The following FRMPD4 variants were observed in gnomAD, a reference collection of about 807,000 sequenced individuals.
The protein encoded by FRMPD4 is FERM and PDZ domain-containing protein 4.
A neutral mutation model predicts 94.1 loss-of-function variants in FRMPD4; 22 were observed. The ratio of observed to expected loss-of-function variants is 0.23; its 90% CI spans 0.17 to 0.33. The LOEUF (loss-of-function observed/expected upper bound fraction) is 0.33, where lower values mean the gene tolerates loss of function less well. Ranked by LOEUF, FRMPD4 falls within the 10% of genes least tolerant of loss-of-function variation. The pLI is 1.00. For synonymous variants in FRMPD4, 631 were observed against 548.6 expected, an observed-to-expected ratio of 1.15 and a Z score of -2.10; for missense variants, 1,111 against 1,339.9, an observed-to-expected ratio of 0.83 and a Z score of 2.67.
Position 12,686,107 on chromosome X carries a change from A to G in FRMPD4, c.584A>G (p.Lys195Arg). The G allele has an allele frequency of 8.8e-7, 1 of 1,136,467 alleles. No homozygotes were observed. Among genetic ancestry groups the G allele is most frequent in the Middle Eastern group, 2.4e-4 (1 of 4,173 alleles). 93.7% of individuals were successfully genotyped at this position (1,136,467 alleles called of 1,213,427 possible). Residue 195 changes from lysine to arginine, a missense_variant, in exon 7 of 17, where the codon AAG becomes AGG. By Grantham distance (26) the Lys-to-Arg change is conservative (BLOSUM62 2). Coordinates refer to ENST00000675598, the MANE Select transcript of FRMPD4 (RefSeq NM_001368397.1). ...TTTTTTGTTAAACAGGAAACTGTTA[A>G]GGACAACTCACTTCTTTTTATGCCA... ...IINGQVSETV[K>R]DNSLLFMPNV...
chrX:12,678,715 C>G (rs932146003), intron 5 of FRMPD4, among the ~76,000 whole-genome samples: 6 of 112,222 alleles, frequency 5.3e-5, no homozygotes, highest in Admixed American at 4.7e-4. Flanking sequence ...ATCCCAGCTA[C>G]TAGGGAGGCT....
intron 11 of FRMPD4, among the ~76,000 whole-genome samples, chrX:12,705,892 G>A (rs2041866440): frequency 8.9e-6 from 1 of 112,141 alleles, no homozygotes; most frequent in Non-Finnish European, 1.9e-5. Flanking sequence ...GAAAGAAGTA[G>A]GATGGATGAA....
intron 3 of FRMPD4, among the ~76,000 whole-genome samples, chrX:12,130,567 C>T (rs760564096): frequency 9.0e-6 from 1 of 111,028 alleles, no homozygotes; most frequent in African/African-American, 3.3e-5. Flanking sequence ...GGTAGATGTT[C>T]AATAAATATT....
At chrX:12,345,749 A>G (rs1282189832) in intron 1 of FRMPD4, among the ~76,000 whole-genome samples, 2 of 111,837 alleles carry the variant, frequency 1.8e-5, no homozygotes, top group Non-Finnish European at 3.8e-5. Flanking sequence ...ACTTTATTGA[A>G]CTCTAAATCT....
At chrX:12,500,115 C>G (rs2057902524) in intron 2 of FRMPD4, among the ~76,000 whole-genome samples, 1 of 110,895 alleles carries the variant, frequency 9.0e-6, no homozygotes, top group African/African-American at 3.3e-5. Context: ...AGCAAAATAT[C>G]CTTAATTATA....
chrX:12,544,046 T>C lies in FRMPD4; in HGVS notation c.158+45250T>C, dbSNP rs779141634. 9.0e-5 allele frequency among the ~76,000 whole-genome samples: 8 copies of C among 89,044 alleles called. No individual in the cohort carries two copies. The East Asian group carries it at 3.0e-3, about 34-fold the overall frequency. The allele number at this position is 89,044 out of a possible 115,157, so 77.3% of individuals were successfully genotyped here. On this transcript the variant is annotated intron_variant, in intron 2 of 16. Transcript: ENST00000675598. Reference sequence around the variant, plus strand: ...GTGGGAATTGAACAATGAGAACACTTGGACACAGGAAGGGGAACATCACAC... The same window carrying C: ...GTGGGAATTGAACAATGAGAACACTCGGACACAGGAAGGGGAACATCACAC...
At chrX:12,188,000 A>G (rs1231198578) in intron 1 of FRMPD4, among the ~76,000 whole-genome samples, 1 of 111,371 alleles carries the variant, frequency 9.0e-6, no homozygotes, top group African/African-American at 3.3e-5. Context: ...AGGAGTGCCA[A>G]TCAGTTGTGA....
chrX:12,110,547 A>G (rs1490858744), intron 3 of FRMPD4, among the ~76,000 whole-genome samples: 3 of 111,551 alleles, frequency 2.7e-5, no homozygotes, highest in Non-Finnish European at 5.7e-5. Flanking sequence ...CCTACTCAAC[A>G]TAGTGTTGGA....
chrX:12,039,536 A>T lies in FRMPD4; in HGVS notation c.95+161518A>T, dbSNP rs1043850047. ...TTAGAAAATTATTGTTTAATTTTCT[A>T]TTTTTTTGTTGTTTTGCTAATTTAA... is the stretch of plus-strand genomic sequence containing the variant. On this transcript the variant is annotated intron_variant, in intron 3 of 18. Transcript: ENST00000640291. 2.7e-5 allele frequency among the ~76,000 whole-genome samples: 3 copies of T among 110,753 alleles called. No individual in the cohort carries two copies. The Admixed American group carries it at 2.9e-4, about 11-fold the overall frequency.
chrX:12,202,818 A>T (rs1237443128), intron 1 of FRMPD4, among the ~76,000 whole-genome samples: 1 of 112,075 alleles, frequency 8.9e-6, no homozygotes, highest in Non-Finnish European at 1.9e-5. Flanking sequence ...ATGCCATGTA[A>T]CAACAGAGGC....
At position 12,038,632 on chromosome X, in the gene FRMPD4, C is replaced by A. The variant is rs374127661; in HGVS notation, c.95+160614C>A. On this transcript the variant is annotated intron_variant, in intron 3 of 18. Transcript: ENST00000640291. ...TCTCAAAAATATTCTCCTATGTTCTCCCCTAGAAGATTTAGTTTCAGCTCT... is the reference window on the plus strand; with the variant it reads ...TCTCAAAAATATTCTCCTATGTTCTACCCTAGAAGATTTAGTTTCAGCTCT... Among the ~76,000 whole-genome samples the A allele has an allele frequency of 5.4e-4, 61 of 111,928 alleles. 2 individuals are homozygous for A. In the South Asian group the frequency reaches 0.022, roughly 41 times the overall value.
intron 1 of FRMPD4, among the ~76,000 whole-genome samples, chrX:12,451,733 C>CGTGTGTGTGTGTGTGTGTGTGTGTGT (rs72300557): frequency 5.1e-5 from 5 of 98,813 alleles, no homozygotes; most frequent in African/African-American, 1.5e-4. Flanking sequence ...TGTGTATGCC[C>CGTGTGTGTGTGTGTGTGTGTGTGTGT]GTGTGTGTGT....
chrX:12,319,147 A>T, intron 1 of FRMPD4, among the ~76,000 whole-genome samples: 3 of 111,507 alleles, frequency 2.7e-5, no homozygotes, highest in Non-Finnish European at 5.6e-5. Flanking sequence ...GACAGAGTTG[A>T]ATAGTTGCCA....
intron 8 of FRMPD4, among the ~76,000 whole-genome samples, chrX:12,692,351 C>A (rs914563667): frequency 8.9e-6 from 1 of 112,045 alleles, no homozygotes; most frequent in Non-Finnish European, 1.9e-5. Flanking sequence ...TGAAACAAAC[C>A]AGCTATATGC....
Position 11,944,633 on chromosome X carries a change from A to G in FRMPD4, c.95+66615A>G, listed in dbSNP as rs1235926758. 5.4e-5 allele frequency among the ~76,000 whole-genome samples: 6 copies of G among 111,635 alleles called. No individual in the cohort carries two copies. The Admixed American group carries it at 5.7e-4, about 11-fold the overall frequency. On this transcript the variant is annotated intron_variant, in intron 3 of 18. Coordinates refer to the FRMPD4 transcript ENST00000640291. ...GCTAGGATCAGCAGAACATGCTGAT[A>G]ATCGGGAGGCTGCAGCTTCTCTGAC...
intron 1 of FRMPD4, among the ~76,000 whole-genome samples, chrX:12,261,636 C>G (rs764806845): frequency 4.5e-5 from 5 of 111,737 alleles, no homozygotes; most frequent in Non-Finnish European, 1.9e-5. Context: ...TGCATTTATT[C>G]AACAATAAGT....
At chrX:11,950,711 G>A (rs2054217508) in intron 3 of FRMPD4, among the ~76,000 whole-genome samples, 1 of 111,555 alleles carries the variant, frequency 9.0e-6, no homozygotes, top group Admixed American at 9.6e-5. Flanking sequence ...TTAGAGAAGT[G>A]CAAATCAAAA....
rs763257186 is a variant in FRMPD4 at position 12,620,792 on chromosome X, A to G, written c.422+5911A>G. On this transcript the variant is annotated intron_variant, in intron 4 of 16. Transcript: ENST00000675598. ...ATAAAGACCAGTCTGTAAAAACTGG[A>G]AATCTAGCAGACCCCATTGCAAATA... 2.7e-5 allele frequency among the ~76,000 whole-genome samples: 3 copies of G among 112,749 alleles called. No homozygotes were observed. The East Asian group carries it at 8.3e-4, about 31-fold the overall frequency.
intron 1 of FRMPD4, among the ~76,000 whole-genome samples, chrX:12,166,644 A>G (rs1029647719): frequency 2.7e-4 from 30 of 111,126 alleles, no homozygotes; most frequent in Non-Finnish European, 4.9e-4. Flanking sequence ...TCCTCCTTGT[A>G]CCTCTGGTAG....
Sources: gnomAD v4.1 joint callset for allele counts (sites outside exome capture counted in the v4.1 genomes callset) on GRCh38, gnomAD v4.1.1 for gene constraint, MANE v1.5 for transcripts, NCBI Gene and HGNC (gene_info 2026-07-23, HGNC 2026-07-21) for gene names.